Variants in SULF1 observed in about 807,000 individuals in gnomAD.
SULF1 encodes sulfatase 1.
In SULF1, 46 loss-of-function variants were observed where a neutral mutation model predicts 110.5. That is an observed-to-expected ratio of 0.42 (90% confidence interval 0.33 to 0.53). The LOEUF (loss-of-function observed/expected upper bound fraction) is 0.53. Ranked by LOEUF, SULF1 falls within the 20% of genes least tolerant of loss-of-function variation. SULF1 has a pLI of 0.12. For missense variants in SULF1, 941 were observed against 1,094.2 expected, an observed-to-expected ratio of 0.86 and a Z score of 1.98; for synonymous variants, 371 against 387.1, an observed-to-expected ratio of 0.96 and a Z score of 0.49.
intron 13 of SULF1, among the ~76,000 whole-genome samples, chr8:69,616,995 G>A (rs1809200820): frequency 6.6e-6 from 1 of 152,018 alleles, no homozygotes; most frequent in Admixed American, 6.6e-5. Context: ...ATTTTTAAAT[G>A]CTAGAGGCAG....
intron 3 of SULF1, among the ~76,000 whole-genome samples, chr8:69,533,559 C>T (rs534989252): frequency 3.9e-5 from 6 of 152,256 alleles, no homozygotes; most frequent in South Asian, 4.1e-4. Flanking sequence ...CAGCTCCATC[C>T]GTGTCCCTGC....
At chr8:69,576,634 G>A (rs1007107231) in intron 6 of SULF1, among the ~76,000 whole-genome samples, 7 of 152,120 alleles carry the variant, frequency 4.6e-5, no homozygotes, top group African/African-American at 1.7e-4. Flanking sequence ...TGAAAATTGG[G>A]GACTTCTTTC....
chr8:69,655,447 G>C (rs192065624), intron 22 of SULF1, among the ~76,000 whole-genome samples: 1 of 152,274 alleles, frequency 6.6e-6, no homozygotes, highest in Admixed American at 6.5e-5. Flanking sequence ...AACACCTATT[G>C]TGTTTCTATA....
chr8:69,498,114 C>T (rs1173347979), intron 2 of SULF1, among the ~76,000 whole-genome samples: 2 of 11,262 alleles, frequency 1.8e-4, no homozygotes, highest in African/African-American at 3.7e-4. Flanking sequence ...TCTCTCTCTC[C>T]ACACACACAC....
chr8:69,639,750 T>C (rs1811320656), intron 21 of SULF1, among the ~76,000 whole-genome samples: 1 of 152,138 alleles, frequency 6.6e-6, no homozygotes, highest in African/African-American at 2.4e-5. Context: ...GCCAGTGTCA[T>C]CAACAGTAAA....
upstream of SULF1, among the ~76,000 whole-genome samples, chr8:69,490,261 C>T (rs1182073597): frequency 1.3e-5 from 2 of 151,940 alleles, no homozygotes; most frequent in Non-Finnish European, 2.9e-5. Flanking sequence ...CGCCACCACA[C>T]CTGGCTAATT....
Position 69,624,760 on chromosome 8 carries a change from C to T in SULF1, c.1850+563C>T, listed in dbSNP as rs1354254790. ...AACCAGTCCCGGATCACAGAGAGGG[C>T]CCTGGAAGTCAAGGGGACAGGGAAG... is the stretch of plus-strand genomic sequence containing the variant. On this transcript the variant is annotated intron_variant, in intron 15 of 22. Coordinates refer to ENST00000402687, the MANE Select transcript of SULF1 (RefSeq NM_001128205.2). Among the ~76,000 whole-genome samples, 3 of 152,150 alleles carry T rather than the reference C, an allele frequency of 2.0e-5. No homozygotes were observed. The South Asian group carries it at 6.2e-4, about 32-fold the overall frequency.
chr8:69,536,887 G>C (rs967961732), intron 3 of SULF1, among the ~76,000 whole-genome samples: 1 of 152,152 alleles, frequency 6.6e-6, no homozygotes, highest in Non-Finnish European at 1.5e-5. Flanking sequence ...TCCCAGGGAG[G>C]AAGGGTGGTG....
rs778702431 is a variant in SULF1 at position 69,603,230 on chromosome 8, C to T, written c.1100C>T (p.Thr367Met). The T allele has an allele frequency of 5.0e-6, 8 of 1,614,174 alleles. 1 individual carries two copies. Among genetic ancestry groups the T allele is most frequent in the South Asian group, 3.3e-5 (3 of 91,086 alleles). The change falls in exon 11 of 23, where the codon ACG (threonine) becomes ATG (methionine). Residue 367 changes from threonine to methionine, a missense_variant. Thr to Met is a moderately conservative substitution (Grantham distance 81). Transcript: ENST00000402687. ...GTTCTCAACATTGACTTGGCCCCCACGATCCTGGATATTGCTGGGCTCGAC... is the reference window on the plus strand; with the variant it reads ...GTTCTCAACATTGACTTGGCCCCCATGATCCTGGATATTGCTGGGCTCGAC... Reference protein sequence around the residue: ...QIVLNIDLAPTILDIAGLDTP... With the variant: ...QIVLNIDLAPMILDIAGLDTP...
At chr8:69,570,588 T>C (rs759581710) in intron 5 of SULF1, among the ~76,000 whole-genome samples, 4 of 152,192 alleles carry the variant, frequency 2.6e-5, no homozygotes, top group Non-Finnish European at 4.4e-5. Flanking sequence ...GGGAATCAAG[T>C]AGTTGGAGTA....
chr8:69,467,921 CCA>C (rs1808922356), intron 1 of SULF1, among the ~76,000 whole-genome samples: 1 of 152,014 alleles, frequency 6.6e-6, no homozygotes, highest in Non-Finnish European at 1.5e-5. Flanking sequence ...AAAGCACCCA[CCA>C]ATATTGAATT....
chr8:69,586,468 G>A lies in SULF1; in HGVS notation c.524G>A (p.Arg175His), dbSNP rs186655894. The change falls in exon 7 of 23, where the codon CGC (arginine) becomes CAC (histidine). Residue 175 changes from arginine to histidine, a missense_variant. Around this residue, in one of 3 missense-constraint regions of SULF1, gnomAD observed 822 missense variants for 934.3 expected, o/e 0.88. Coordinates refer to ENST00000402687, the MANE Select transcript of SULF1 (RefSeq NM_001128205.2). ...CGCTTCTATAATTACACTGTTTGTCGCAATGGCATCAAAGAAAAGCATGGA... is the reference window on the plus strand; with the variant it reads ...CGCTTCTATAATTACACTGTTTGTCACAATGGCATCAAAGAAAAGCATGGA... ...NSRFYNYTVC[R>H]NGIKEKHGFD... 35 of 1,610,896 alleles carry A rather than the reference G, an allele frequency of 2.2e-5. No individual in the cohort carries two copies. The East Asian group carries it at 4.2e-4, about 20-fold the overall frequency.
chr8:69,556,764 ACT>A (rs754903695), intron 3 of SULF1, among the ~76,000 whole-genome samples: 7 of 152,102 alleles, frequency 4.6e-5, no homozygotes, highest in Non-Finnish European at 1.0e-4. Context: ...TTTTTCATCA[ACT>A]TTTATTTTAA....
intron 17 of SULF1, 112 bp from the exon 18 acceptor site, chr8:69,628,059 A>T: frequency 1.0e-6 from 1 of 1,003,464 alleles, no homozygotes; most frequent in Admixed American, 2.1e-5. Flanking sequence ...CAGCTAAAAT[A>T]CTTACAACAT....
At chr8:69,529,008 G>A (rs771485768) in intron 3 of SULF1, among the ~76,000 whole-genome samples, 8 of 152,144 alleles carry the variant, frequency 5.3e-5, no homozygotes, top group Non-Finnish European at 1.2e-4. Context: ...AACTTTCTAT[G>A]TACCAGCTCT....
At chr8:69,544,964 AT>A (rs753976566) in intron 3 of SULF1, among the ~76,000 whole-genome samples, 1 of 152,154 alleles carries the variant, frequency 6.6e-6, no homozygotes, top group East Asian at 1.9e-4. Context: ...GTCCAGGTAG[AT>A]TGCATGTGTG....
At chr8:69,545,517 T>A (rs4737991) in intron 3 of SULF1, among the ~76,000 whole-genome samples, 2 of 151,912 alleles carry the variant, frequency 1.3e-5, no homozygotes, top group Non-Finnish European at 2.9e-5. Context: ...GACCTGAGCT[T>A]CTTTTCTCTC....
At position 69,586,445 on chromosome 8, in the gene SULF1, C is replaced by T. The variant is rs940118031; in HGVS notation, c.501C>T (p.Arg167=). The T allele has an allele frequency of 1.2e-6, 2 of 1,612,168 alleles. No homozygotes were observed. Among genetic ancestry groups the T allele is most frequent in the African/African-American group, 1.3e-5 (1 of 74,962 alleles). ...GGCTTGGATTAATCAAGAATTCTCG[C>T]TTCTATAATTACACTGTTTGTCGCA... ...REWLGLIKNS[R]FYNYTVCRNG... is the part of the protein sequence containing the mutation. Residue 167 remains arginine, a synonymous_variant, in exon 7 of 23, where the codon CGC becomes CGT. Transcript: ENST00000402687.
chr8:69,530,368 G>A (rs1267788974), intron 3 of SULF1, among the ~76,000 whole-genome samples: 1 of 152,050 alleles, frequency 6.6e-6, no homozygotes, highest in African/African-American at 2.4e-5. Flanking sequence ...TTGTCTATGT[G>A]GAATCTTAGG....
Sources: allele counts gnomAD v4.1 joint callset (sites outside exome capture counted in the v4.1 genomes callset), GRCh38; gene constraint gnomAD v4.1.1; regional missense constraint gnomAD v4.1.1; transcripts MANE v1.5; gene names NCBI Gene and HGNC (gene_info 2026-07-23, HGNC 2026-07-21).